GRIA4: variants seen among roughly 807,000 people sequenced by gnomAD.
The protein encoded by GRIA4 is glutamate ionotropic receptor AMPA type subunit 4.
GRIA4 carries 34 observed loss-of-function variants against 104.0 expected under a neutral mutation model. The ratio of observed to expected loss-of-function variants is 0.33; its 90% CI spans 0.25 to 0.44. GRIA4 has a LOEUF of 0.44. Among genes scored for constraint, GRIA4 ranks in the 20% least tolerant of loss-of-function variants. GRIA4 has a pLI of 1.00. For synonymous variants in GRIA4, 386 were observed against 381.9 expected (o/e 1.01, Z -0.13); for missense variants, 750 against 1,096.5 (o/e 0.68, Z 4.46).
intron 3 of GRIA4, among the ~76,000 whole-genome samples, chr11:105,636,124 C>T (rs1021057036): frequency 3.3e-5 from 5 of 152,002 alleles, no homozygotes; most frequent in African/African-American, 1.2e-4. Context: ...AAGGAGCTTC[C>T]AATACAAAAA....
intron 14 of GRIA4, among the ~76,000 whole-genome samples, chr11:105,936,267 T>C (rs1948032513): frequency 6.6e-6 from 1 of 152,208 alleles, no homozygotes; most frequent in African/African-American, 2.4e-5. Flanking sequence ...AATGATTTAG[T>C]TTGTAGAAGC....
At chr11:105,934,200 T>C (rs1161557784) in intron 14 of GRIA4, among the ~76,000 whole-genome samples, 1 of 152,132 alleles carries the variant, frequency 6.6e-6, no homozygotes, top group Non-Finnish European at 1.5e-5. Context: ...ACCAAACTGG[T>C]TGAACACTAG....
rs1859180173 is a variant in GRIA4, at chr11:105,979,700, A to T, written c.2670A>T (p.Gln890His). Residue 890 changes from glutamine (Q) to histidine (H), a missense_variant, in exon 17 of 17, where the codon CAA becomes CAT. Gln to His is a conservative substitution (Grantham distance 24, BLOSUM62 0). Transcript: ENST00000282499. ...TACACACTGGAACTGCAATCAGACA[A>T]AGTTCAGGATTGGCTGTCATTGCAT... The part of the protein sequence containing the change: ...KAVHTGTAIR[Q>H]SSGLAVIASD... The T allele has an allele frequency of 6.2e-7, 1 of 1,613,998 alleles. No homozygotes were observed. The highest frequency in any genetic ancestry group is 8.5e-7 in the Non-Finnish European group (1 of 1,179,954).
intron 12 of GRIA4, among the ~76,000 whole-genome samples, chr11:105,925,429 G>A (rs1194835030): frequency 6.6e-6 from 1 of 151,964 alleles, no homozygotes; most frequent in Non-Finnish European, 1.5e-5. Flanking sequence ...GGCTTCTTTT[G>A]CAAGAAAAAA....
intron 6 of GRIA4, among the ~76,000 whole-genome samples, chr11:105,889,660 C>G (rs1565318935): frequency 6.6e-6 from 1 of 152,072 alleles, no homozygotes; most frequent in East Asian, 1.9e-4. Context: ...ATAAGAGTGT[C>G]CTCTCTCACC....
Position 105,933,781 on chromosome 11 carries a change from A to G in GRIA4, c.2106A>G (p.Ser702=). Residue 702 remains serine, a synonymous_variant, in exon 14 of 17, where the codon TCA becomes TCG. Transcript: ENST00000282499. ...CCTACATGCGATCAGCAGAGCCATC[A>G]GTATTCACTAGGACTACAGCTGAGG... ...MWTYMRSAEP[S]VFTRTTAEGV... is the part of the protein sequence containing the mutation. The G allele has an allele frequency of 1.9e-6, 3 of 1,611,818 alleles. No individual in the cohort carries two copies. The highest frequency in any genetic ancestry group is 2.5e-6 in the Non-Finnish European group (3 of 1,178,194).
chr11:105,974,114 T>C (rs944151265), intron 15 of GRIA4, among the ~76,000 whole-genome samples, 196 bp from the exon 16 acceptor site: 9 of 152,236 alleles, frequency 5.9e-5, no homozygotes, highest in Non-Finnish European at 1.2e-4. Flanking sequence ...TGTTGATAAC[T>C]ATTATAATTT....
chr11:105,908,184 AG>A (rs1352604204), intron 9 of GRIA4, among the ~76,000 whole-genome samples: 1 of 152,192 alleles, frequency 6.6e-6, no homozygotes, highest in South Asian at 2.1e-4. Context: ...CACATATCTT[AG>A]TATAGTTACA....
intron 3 of GRIA4, among the ~76,000 whole-genome samples, chr11:105,710,325 T>C (rs977254725): frequency 1.4e-4 from 22 of 152,160 alleles, no homozygotes; most frequent in Admixed American, 1.4e-3. Flanking sequence ...AGATTAGTGA[T>C]ATGTAGGAAG....
intron 3 of GRIA4, among the ~76,000 whole-genome samples, chr11:105,717,006 T>C (rs1954114496): frequency 6.6e-6 from 1 of 152,138 alleles, no homozygotes; most frequent in Admixed American, 6.6e-5. Context: ...ATCCTTATTA[T>C]TCAGTGTTAC....
chr11:105,614,953 A>G (rs909484502), intron 3 of GRIA4, among the ~76,000 whole-genome samples: 1 of 151,988 alleles, frequency 6.6e-6, no homozygotes, highest in Non-Finnish European at 1.5e-5. Flanking sequence ...TAGGTCTTGA[A>G]ATTTAATATT....
chr11:105,958,240 C>T (rs1001457286), intron 14 of GRIA4, among the ~76,000 whole-genome samples: 5 of 152,172 alleles, frequency 3.3e-5, no homozygotes, highest in African/African-American at 1.2e-4. Context: ...ATGATATTGG[C>T]TGTGAGTTTG....
intron 4 of GRIA4, among the ~76,000 whole-genome samples, chr11:105,825,047 C>T (rs61900359): frequency 0.011 from 1,598 of 152,128 alleles, 12 homozygotes; most frequent in Non-Finnish European, 0.016. Context: ...AGTTTGTTTA[C>T]CCTATTTATG....
intron 4 of GRIA4, among the ~76,000 whole-genome samples, chr11:105,826,674 A>G (rs1409265485): frequency 2.6e-5 from 4 of 151,992 alleles, no homozygotes; most frequent in African/African-American, 7.2e-5. Context: ...CGGAAGTCAC[A>G]TATTTCTCGC....
chr11:105,821,756 T>A (rs1439161390), intron 4 of GRIA4, among the ~76,000 whole-genome samples: 2 of 152,100 alleles, frequency 1.3e-5, no homozygotes, highest in Non-Finnish European at 2.9e-5. Context: ...ATAATTTGAA[T>A]TCTGTAAATT....
At chr11:105,766,655 A>T (rs1940959462) in intron 4 of GRIA4, among the ~76,000 whole-genome samples, 1 of 152,176 alleles carries the variant, frequency 6.6e-6, no homozygotes. Context: ...AGGCACCATC[A>T]TCTTTAAGCT....
intron 5 of GRIA4, 102 bp from the exon 6 acceptor site, chr11:105,887,417 A>G (rs968703685): frequency 3.6e-6 from 2 of 558,058 alleles, no homozygotes; most frequent in Non-Finnish European, 6.4e-6. Flanking sequence ...TCATTTTCCC[A>G]TCATGATTCT....
chr11:105,794,465 ATATG>A (rs1276582241), intron 4 of GRIA4, among the ~76,000 whole-genome samples: 1,657 of 52,256 alleles, frequency 0.032, 133 homozygotes, highest in African/African-American at 0.042. Context: ...GTGTGTGTGT[ATATG>A]TATGTATATA....
In GRIA4 at chr11:105,634,880, A is replaced by C. The variant is rs79252605; in HGVS notation, c.247+22446A>C. On this transcript the variant is annotated intron_variant, in intron 3 of 16. Coordinates refer to ENST00000282499, the MANE Select transcript of GRIA4 (RefSeq NM_000829.4). Reference sequence around the variant, plus strand: ...AAAAGCTTTAGAAAATCCATTCTAAAAAGTACACATTCTGTAGAGCTTGCA... The same window carrying C: ...AAAAGCTTTAGAAAATCCATTCTAACAAGTACACATTCTGTAGAGCTTGCA... 4.2e-3 allele frequency among the ~76,000 whole-genome samples: 636 copies of C among 152,328 alleles called. 11 individuals carry two copies. The highest frequency in any genetic ancestry group is 0.014 in the African/African-American group (593 of 41,558).
Sources: allele counts gnomAD v4.1 joint callset (sites outside exome capture counted in the v4.1 genomes callset), GRCh38; gene constraint gnomAD v4.1.1; transcripts MANE v1.5; gene names NCBI Gene and HGNC (gene_info 2026-07-23, HGNC 2026-07-21).